Variants in PRKAR1B observed in about 807,000 individuals in gnomAD.
PRKAR1B encodes the protein cAMP-dependent protein kinase type I-beta regulatory subunit.
A neutral mutation model predicts 46.5 loss-of-function variants in PRKAR1B; 22 were observed. The observed-to-expected ratio is 0.47, with a 90% CI of 0.34 to 0.68. The LOEUF (loss-of-function observed/expected upper bound fraction) is 0.68, where lower values mean the gene tolerates loss of function less well. Among genes scored for constraint, PRKAR1B ranks in the 30% least tolerant of loss-of-function variants. The pLI, the probability that PRKAR1B is intolerant of heterozygous loss-of-function variation, is 0.01. For missense variants in PRKAR1B, 445 were observed against 535.6 expected (o/e 0.83, Z 1.67); for synonymous variants, 259 against 217.7 (o/e 1.19, Z -1.67).
intron 9 of PRKAR1B, among the ~76,000 whole-genome samples, chr7:571,078 G>A (rs749551189): frequency 2.6e-5 from 4 of 152,180 alleles, no homozygotes; most frequent in South Asian, 4.1e-4. Flanking sequence ...CTGTGGCTCC[G>A]GCACTCCAGC....
rs1410933769 is a variant in PRKAR1B at position 593,854 on chromosome 7, A to G, written c.708+2292T>C. On this transcript the variant is annotated intron_variant, in intron 7 of 10. Coordinates refer to ENST00000537384, the MANE Select transcript of PRKAR1B (RefSeq NM_001164760.2). The surrounding 1 kb of genome is among the most constrained non-coding windows in gnomAD (Gnocchi z 6.1). ...GGTGGGCACCCCAGCAATGCCCCAC[A>G]GGTGCATAAATGAGAAGCTCATGGG... is the stretch of plus-strand genomic sequence containing the variant. Among the ~76,000 whole-genome samples the G allele has an allele frequency of 1.3e-5, 2 of 152,202 alleles. No homozygotes were observed. The highest frequency in any genetic ancestry group is 2.9e-5 in the Non-Finnish European group (2 of 68,026).
intron 4 of PRKAR1B, among the ~76,000 whole-genome samples, chr7:654,171 T>C (rs577446566): frequency 6.7e-6 from 1 of 150,332 alleles, no homozygotes; most frequent in Admixed American, 6.6e-5. Context: ...ATCATTGCCA[T>C]CTTCATCACC....
intron 2 of PRKAR1B, among the ~76,000 whole-genome samples, chr7:699,469 C>G (rs1490123471): frequency 1.3e-5 from 2 of 152,078 alleles, no homozygotes; most frequent in Non-Finnish European, 2.9e-5. Context: ...TGGGCAGTTA[C>G]CCCCTCAGTC....
chr7:646,017 C>T (rs375963637), intron 4 of PRKAR1B, among the ~76,000 whole-genome samples: 19 of 152,292 alleles, frequency 1.2e-4, no homozygotes, highest in African/African-American at 4.6e-4. Context: ...CCTTCGTCAC[C>T]AACATGTTGC....
intron 9 of PRKAR1B, among the ~76,000 whole-genome samples, chr7:578,389 G>T (rs565089827): frequency 6.6e-6 from 1 of 152,178 alleles, no homozygotes; most frequent in Non-Finnish European, 1.5e-5. Context: ...GGCGTGAGAC[G>T]GCAAAAATGA....
intron 4 of PRKAR1B, among the ~76,000 whole-genome samples, chr7:648,463 T>C (rs1784734086): frequency 6.6e-6 from 1 of 151,862 alleles, no homozygotes; most frequent in Non-Finnish European, 1.5e-5. Context: ...ATACAAAAAT[T>C]AGCTGGGCAT....
intron 4 of PRKAR1B, among the ~76,000 whole-genome samples, chr7:646,088 C>T (rs1784606428): frequency 6.6e-6 from 1 of 152,128 alleles, no homozygotes. Flanking sequence ...CTCTGCCTCC[C>T]AGGTTGAAGT....
At chr7:688,714 G>A (rs889377298) in intron 2 of PRKAR1B, among the ~76,000 whole-genome samples, 40 of 152,062 alleles carry the variant, frequency 2.6e-4, no homozygotes, top group African/African-American at 8.2e-4. Context: ...CTCCCAATAC[G>A]CCTCTCCTCC....
intron 8 of PRKAR1B, among the ~76,000 whole-genome samples, chr7:580,244 A>G (rs1252970811): frequency 6.6e-6 from 1 of 151,100 alleles, no homozygotes; most frequent in Admixed American, 6.6e-5. Context: ...AAAAAAAAAA[A>G]AAGAAAAAAG....
intron 8 of PRKAR1B, among the ~76,000 whole-genome samples, chr7:584,130 A>G (rs1056366425): frequency 6.6e-6 from 1 of 152,024 alleles, no homozygotes; most frequent in Non-Finnish European, 1.5e-5. Context: ...AAGCAGCTCG[A>G]CCCAGCTCAC....
rs1338292132 is a variant in PRKAR1B, at chr7:602,146, A to AC, written c.549+4046dup. Among the ~76,000 whole-genome samples the AC allele has an allele frequency of 1.1e-4, 16 of 151,966 alleles. No individual in the cohort carries two copies. The highest frequency in any genetic ancestry group is 3.9e-4 in the African/African-American group (16 of 41,376). The stretch of plus-strand genomic sequence containing the variant: ...AGGCTTCAGCCCCGACCCCACGCTA[A>AC]CTGGGCCAGGGCAGGGGCTGGGCTG... On this transcript the variant is annotated intron_variant, in intron 6 of 10. Coordinates refer to ENST00000537384, the MANE Select transcript of PRKAR1B (RefSeq NM_001164760.2). This position sits in a 1 kb window ranked among gnomAD's most constrained non-coding sequence, Gnocchi z 6.4.
At chr7:624,185 C>G (rs1040036786) in intron 4 of PRKAR1B, among the ~76,000 whole-genome samples, 3 of 152,154 alleles carry the variant, frequency 2.0e-5, no homozygotes. Flanking sequence ...GTAATCTCAG[C>G]ACTTTGGGAG....
At chr7:727,347 AC>A, upstream of PRKAR1B, 4 of 1,014,458 alleles carry the variant, frequency 3.9e-6, no homozygotes, top group South Asian at 3.6e-5. Flanking sequence ...CCCACACGCC[AC>A]CCCACACTCT....
intron 1 of PRKAR1B, among the ~76,000 whole-genome samples, chr7:723,751 C>A (rs1409942139): frequency 6.6e-6 from 1 of 152,154 alleles, no homozygotes; most frequent in Admixed American, 6.5e-5. Flanking sequence ...AGGACAGAGG[C>A]CCCCATGGCC....
intron 6 of PRKAR1B, among the ~76,000 whole-genome samples, chr7:598,813 G>C (rs1398646468): frequency 6.6e-6 from 1 of 152,250 alleles, no homozygotes; most frequent in Admixed American, 6.5e-5. Flanking sequence ...CCAAGGAGGT[G>C]AGTGAGCCTC....
At chr7:683,129 T>A (rs1778792412) in intron 2 of PRKAR1B, among the ~76,000 whole-genome samples, 1 of 152,088 alleles carries the variant, frequency 6.6e-6, no homozygotes, top group East Asian at 1.9e-4. Flanking sequence ...CCTTCTGACA[T>A]CCCAAGACCC....
intron 4 of PRKAR1B, among the ~76,000 whole-genome samples, chr7:612,008 CG>C (rs1290952681): frequency 1.6e-5 from 2 of 122,594 alleles, no homozygotes; most frequent in Non-Finnish European, 3.4e-5. Context: ...GATGGATGGA[CG>C]GACAGGTGGG....
chr7:614,529 TA>T (rs925555141), intron 4 of PRKAR1B, among the ~76,000 whole-genome samples: 5 of 151,850 alleles, frequency 3.3e-5, no homozygotes, highest in Non-Finnish European at 5.9e-5. Flanking sequence ...CCGGGCACCA[TA>T]AGGAGGTGAA....
At chr7:605,558 A>C (rs1053437389) in intron 6 of PRKAR1B, among the ~76,000 whole-genome samples, 3 of 152,198 alleles carry the variant, frequency 2.0e-5, no homozygotes, top group Non-Finnish European at 4.4e-5. Context: ...TCTATTTTAT[A>C]CATACACATA....
Sources: allele counts gnomAD v4.1 joint callset (sites outside exome capture counted in the v4.1 genomes callset), GRCh38; gene constraint gnomAD v4.1.1; non-coding constraint Gnocchi (gnomAD v3.1); transcripts MANE v1.5; gene names NCBI Gene and HGNC (gene_info 2026-07-23, HGNC 2026-07-21).